Variants in MAP4K3 observed in about 807,000 individuals in gnomAD.
MAP4K3 encodes MAPK/ERK kinase kinase kinase 3.
In MAP4K3, 94 loss-of-function variants were observed where a neutral mutation model predicts 143.5. The ratio of observed to expected loss-of-function variants is 0.65; its 90% CI spans 0.55 to 0.78. The LOEUF is 0.78. Among genes scored for constraint, MAP4K3 ranks in the 30% least tolerant of loss-of-function variants. The pLI is 0.00. For missense variants in MAP4K3, 1,077 were observed against 1,068.1 expected, an observed-to-expected ratio of 1.01 and a Z score of -0.12; for synonymous variants, 416 against 347.2, an observed-to-expected ratio of 1.20 and a Z score of -2.20.
At chr2:39,372,377 G>T (rs1666105881) in intron 2 of MAP4K3, among the ~76,000 whole-genome samples, 1 of 151,214 alleles carries the variant, frequency 6.6e-6, no homozygotes, top group South Asian at 2.1e-4. Context: ...AGAATCTAAG[G>T]ATTTAATGCA....
At chr2:39,321,111 T>C (rs1319999598) in intron 12 of MAP4K3, among the ~76,000 whole-genome samples, 2 of 152,210 alleles carry the variant, frequency 1.3e-5, no homozygotes, top group African/African-American at 2.4e-5. Context: ...TGATGCACCT[T>C]AGCATTATAT....
At chr2:39,302,833 G>A (rs1370925287) in intron 15 of MAP4K3, among the ~76,000 whole-genome samples, 5 of 152,140 alleles carry the variant, frequency 3.3e-5, no homozygotes, top group Admixed American at 6.5e-5. Flanking sequence ...GTTCAAGATC[G>A]TTATCCTAGC....
intron 8 of MAP4K3, among the ~76,000 whole-genome samples, chr2:39,330,238 C>T (rs1303660709): frequency 6.6e-6 from 1 of 151,776 alleles, no homozygotes; most frequent in Non-Finnish European, 1.5e-5. Flanking sequence ...TATGGAATAT[C>T]AAAACACCAG....
chr2:39,353,271 C>T (rs149793547), intron 3 of MAP4K3, among the ~76,000 whole-genome samples: 8 of 152,268 alleles, frequency 5.3e-5, no homozygotes, highest in African/African-American at 1.9e-4. Context: ...ATTAGGATTC[C>T]CTACTCCAAC....
At chr2:39,299,721 G>C in intron 16 of MAP4K3, 22 bp downstream of exon 16, 1 of 1,430,546 alleles carries the variant, frequency 7.0e-7, no homozygotes, top group African/African-American at 1.4e-5. Context: ...TTTAAATTAA[G>C]TTTTAAAAGA....
intron 1 of MAP4K3, among the ~76,000 whole-genome samples, chr2:39,388,292 G>C (rs1666565039): frequency 6.6e-6 from 1 of 152,182 alleles, no homozygotes; most frequent in African/African-American, 2.4e-5. Context: ...AAATAAGTTA[G>C]ACTAGATATA....
chr2:39,317,975 T>C (rs1196320936), intron 12 of MAP4K3, among the ~76,000 whole-genome samples: 1 of 152,052 alleles, frequency 6.6e-6, no homozygotes, highest in Admixed American at 6.6e-5. Flanking sequence ...CTACTCACAA[T>C]AGCAAAACAC....
chr2:39,418,047 A>G (rs375526868), intron 1 of MAP4K3, among the ~76,000 whole-genome samples: 124 of 152,196 alleles, frequency 8.1e-4, no homozygotes, highest in African/African-American at 2.8e-3. Context: ...CTAAAAAAAT[A>G]GAAAAATTAG....
At chr2:39,384,880 C>G (rs1015294668) in intron 1 of MAP4K3, among the ~76,000 whole-genome samples, 1 of 152,102 alleles carries the variant, frequency 6.6e-6, no homozygotes, top group Non-Finnish European at 1.5e-5. Context: ...TAAGAAAGTT[C>G]CATCACTGCA....
intron 21 of MAP4K3, among the ~76,000 whole-genome samples, chr2:39,284,994 G>A (rs1681707468): frequency 1.3e-5 from 2 of 152,074 alleles, no homozygotes. Context: ...CTGGGCTCAT[G>A]TGATTCTCCT....
intron 1 of MAP4K3, among the ~76,000 whole-genome samples, chr2:39,406,004 G>C (rs1044001411): frequency 6.6e-6 from 1 of 151,996 alleles, no homozygotes; most frequent in African/African-American, 2.4e-5. Flanking sequence ...CTCAGAGAAG[G>C]AATTCAGAAT....
intron 19 of MAP4K3, 87 bp from the exon 20 acceptor site, chr2:39,288,367 A>G: frequency 8.3e-7 from 1 of 1,208,964 alleles, no homozygotes; most frequent in Non-Finnish European, 1.2e-6. Context: ...AAGCTTTCAA[A>G]TTATTTCTAC....
At chr2:39,311,594 G>A (rs1682939965) in intron 13 of MAP4K3, among the ~76,000 whole-genome samples, 2 of 152,222 alleles carry the variant, frequency 1.3e-5, no homozygotes, top group African/African-American at 4.8e-5. Context: ...GGCTCTCTCT[G>A]TTGGATCACT....
chr2:39,400,482 C>G (rs935211483), intron 1 of MAP4K3, among the ~76,000 whole-genome samples: 1 of 151,930 alleles, frequency 6.6e-6, no homozygotes, highest in Admixed American at 6.6e-5. Flanking sequence ...TTTTACATAT[C>G]TTGTCAAATG....
intron 13 of MAP4K3, among the ~76,000 whole-genome samples, chr2:39,309,842 G>T (rs1039546234): frequency 2.0e-5 from 3 of 152,046 alleles, no homozygotes; most frequent in Non-Finnish European, 4.4e-5. Context: ...ACAGGAGTGA[G>T]CCACTGCGCC....
chr2:39,281,364 A>G (rs956864698), intron 22 of MAP4K3, among the ~76,000 whole-genome samples: 8 of 152,208 alleles, frequency 5.3e-5, no homozygotes, highest in Admixed American at 2.6e-4. Flanking sequence ...ACCAAACAAT[A>G]TATCTTTAAA....
At chr2:39,333,902 G>C (rs896594678) in intron 6 of MAP4K3, among the ~76,000 whole-genome samples, 2 of 151,212 alleles carry the variant, frequency 1.3e-5, no homozygotes, top group Non-Finnish European at 2.9e-5. Flanking sequence ...TAATGTAACC[G>C]TACAATGCAT....
At chr2:39,390,390 T>C (rs1338173893) in intron 1 of MAP4K3, among the ~76,000 whole-genome samples, 3 of 151,696 alleles carry the variant, frequency 2.0e-5, no homozygotes, top group Admixed American at 2.0e-4. Context: ...GTAGATCTGC[T>C]TTAAATCACA....
chr2:39,428,179 A>AT (rs1665157539), intron 1 of MAP4K3, among the ~76,000 whole-genome samples: 1 of 152,160 alleles, frequency 6.6e-6, no homozygotes, highest in South Asian at 2.1e-4. Flanking sequence ...TTGTTTCCTT[A>AT]TATCAGGGTT....
Sources: allele counts gnomAD v4.1 joint callset (sites outside exome capture counted in the v4.1 genomes callset), GRCh38; gene constraint gnomAD v4.1.1; transcripts MANE v1.5; gene names NCBI Gene and HGNC (gene_info 2026-07-23, HGNC 2026-07-21).